PRKACB: variants seen among roughly 807,000 people sequenced by gnomAD.
PRKACB encodes the protein protein kinase cAMP-activated catalytic subunit beta, also known as cAMP-dependent protein kinase catalytic subunit beta.
A neutral mutation model predicts 51.4 loss-of-function variants in PRKACB; 16 were observed. That is an observed-to-expected ratio of 0.31 (90% confidence interval 0.21 to 0.47). PRKACB has a LOEUF of 0.47. Among genes scored for constraint, PRKACB ranks in the 20% least tolerant of loss-of-function variants. The pLI is 1.00. For synonymous variants in PRKACB, 147 were observed against 154.4 expected (o/e 0.95, Z 0.35); for missense variants, 309 against 464.5 (o/e 0.67, Z 3.08).
intron 1 of PRKACB, among the ~76,000 whole-genome samples, chr1:84,079,423 C>G (rs1265081437): frequency 6.6e-6 from 1 of 152,076 alleles, no homozygotes; most frequent in Non-Finnish European, 1.5e-5. Context: ...AATTTTATAA[C>G]TTTGCATGAA....
upstream of PRKACB, among the ~76,000 whole-genome samples, chr1:84,143,985 AGTT>A (rs1197626826): frequency 6.6e-6 from 1 of 152,130 alleles, no homozygotes; most frequent in Non-Finnish European, 1.5e-5. Flanking sequence ...CTTGGCCTTC[AGTT>A]GTTTGCATAG....
intron 1 of PRKACB, among the ~76,000 whole-genome samples, chr1:84,082,002 T>G (rs1202834976): frequency 1.3e-5 from 2 of 152,212 alleles, no homozygotes; most frequent in Non-Finnish European, 2.9e-5. Context: ...GCAAGTTTCT[T>G]AACAACTAAC....
chr1:84,138,656 A>G (rs769915496), intron 1 of PRKACB, among the ~76,000 whole-genome samples: 13 of 152,224 alleles, frequency 8.5e-5, no homozygotes, highest in Admixed American at 5.9e-4. Flanking sequence ...AAAATATAAG[A>G]CAGAATACTT....
intron 9 of PRKACB, among the ~76,000 whole-genome samples, chr1:84,222,575 C>T (rs1322806862): frequency 6.6e-6 from 1 of 152,034 alleles, no homozygotes; most frequent in Non-Finnish European, 1.5e-5. Flanking sequence ...TTCTCTTTCT[C>T]ATTTATGTGT....
intron 9 of PRKACB, among the ~76,000 whole-genome samples, chr1:84,217,100 T>C (rs1344980247): frequency 3.9e-5 from 6 of 152,164 alleles, no homozygotes; most frequent in Non-Finnish European, 5.9e-5. Context: ...ATTTAACCTC[T>C]CTAAAGCATC....
chr1:84,219,482 A>T (rs1181481842), intron 9 of PRKACB, among the ~76,000 whole-genome samples: 1 of 151,996 alleles, frequency 6.6e-6, no homozygotes, highest in East Asian at 1.9e-4. Context: ...AAGTGCTGGG[A>T]TTACAGGCGT....
chr1:84,149,735 T>C (rs1411609105), intron 1 of PRKACB, among the ~76,000 whole-genome samples: 1 of 152,186 alleles, frequency 6.6e-6, no homozygotes, highest in Admixed American at 6.5e-5. Flanking sequence ...AATGCCATGA[T>C]AAACATCTTT....
upstream of PRKACB, chr1:84,078,098 T>C (rs1249996373): frequency 9.1e-5 from 38 of 419,586 alleles, 1 homozygote; most frequent in South Asian, 1.2e-3. Flanking sequence ...GCCACCGCCG[T>C]CGCCGCCGCC....
intron 6 of PRKACB, among the ~76,000 whole-genome samples, chr1:84,197,090 A>G (rs1302842237): frequency 6.6e-6 from 1 of 152,140 alleles, no homozygotes; most frequent in Non-Finnish European, 1.5e-5. Context: ...TACCATTGTT[A>G]TCTTCATTTT....
intron 1 of PRKACB, among the ~76,000 whole-genome samples, chr1:84,091,055 C>T (rs1648428100): frequency 6.6e-6 from 1 of 152,064 alleles, no homozygotes; most frequent in South Asian, 2.1e-4. Context: ...CTCTTTGACC[C>T]TACTTTCTCT....
chr1:84,108,695 C>G (rs923740820), intron 1 of PRKACB, among the ~76,000 whole-genome samples: 4 of 151,968 alleles, frequency 2.6e-5, no homozygotes, highest in South Asian at 2.1e-4. Context: ...TGCCCAAGAT[C>G]ACATAACTGG....
chr1:84,111,727 A>G (rs1462969816), intron 1 of PRKACB, among the ~76,000 whole-genome samples: 1 of 152,048 alleles, frequency 6.6e-6, no homozygotes, highest in Non-Finnish European at 1.5e-5. Context: ...TAAAAGTTAA[A>G]AAAAAAAGTA....
intron 8 of PRKACB, among the ~76,000 whole-genome samples, chr1:84,211,023 G>T (rs1298205004): frequency 3.3e-5 from 5 of 151,958 alleles, no homozygotes; most frequent in Non-Finnish European, 5.9e-5. Flanking sequence ...GAGAATCTCT[G>T]GGGAAGAGGG....
chr1:84,115,201 C>CT (rs200269757), intron 1 of PRKACB, among the ~76,000 whole-genome samples: 1,721 of 143,000 alleles, frequency 0.012, 18 homozygotes, highest in African/African-American at 0.017. Flanking sequence ...ATATCTGCTA[C>CT]TTTTTTTTTT....
intron 8 of PRKACB, among the ~76,000 whole-genome samples, chr1:84,210,128 A>G (rs1671914430): frequency 6.6e-6 from 1 of 152,182 alleles, no homozygotes; most frequent in African/African-American, 2.4e-5. Context: ...CCATGTGTTG[A>G]GAGCTTGTTT....
rs191602066 is a variant in PRKACB, at chr1:84,211,750, C to T, written c.907-2403C>T. On this transcript the variant is annotated intron_variant, in intron 8 of 9. Transcript: ENST00000370685. The stretch of plus-strand genomic sequence containing the variant: ...TTTCTGTAGGTCTCAATTGCTTCAC[C>T]CCTACCTATGAAATTTGGATAATAA... 1.4e-4 allele frequency among the ~76,000 whole-genome samples: 21 copies of T among 152,196 alleles called. No homozygotes were observed. The East Asian group carries it at 3.5e-3, about 25-fold the overall frequency.
intron 7 of PRKACB, among the ~76,000 whole-genome samples, chr1:84,199,527 C>G (rs769087659): frequency 5.9e-5 from 9 of 152,172 alleles, no homozygotes; most frequent in Non-Finnish European, 1.3e-4. Flanking sequence ...GTATATGTAC[C>G]ACATTTTCTT....
At chr1:84,185,499 AGAT>A (rs933660234) in intron 5 of PRKACB, among the ~76,000 whole-genome samples, 3 of 151,842 alleles carry the variant, frequency 2.0e-5, no homozygotes, top group Admixed American at 2.0e-4. Context: ...TATTAAACAA[AGAT>A]TAATAATACA....
At chr1:84,217,004 A>G (rs1431073361) in intron 9 of PRKACB, among the ~76,000 whole-genome samples, 1 of 152,206 alleles carries the variant, frequency 6.6e-6, no homozygotes, top group East Asian at 1.9e-4. Flanking sequence ...AAGGCAGCAA[A>G]AAAAGAGAAT....
Sources: gnomAD v4.1 joint callset for allele counts (sites outside exome capture counted in the v4.1 genomes callset) on GRCh38, gnomAD v4.1.1 for gene constraint, MANE v1.5 for transcripts, NCBI Gene and HGNC (gene_info 2026-07-23, HGNC 2026-07-21) for gene names.